The following APBA1 variants were observed in gnomAD, a reference collection of about 807,000 sequenced individuals.
APBA1 encodes amyloid-beta A4 precursor protein-binding family A member 1.
In APBA1, 55 loss-of-function variants were observed where a neutral mutation model predicts 86.6. The ratio of observed to expected loss-of-function variants is 0.64; its 90% CI spans 0.51 to 0.80. APBA1 has a LOEUF of 0.80. Ranked by LOEUF, APBA1 falls within the 30% of genes least tolerant of loss-of-function variation. The pLI, the probability that APBA1 is intolerant of heterozygous loss-of-function variation, is 0.00. For missense variants in APBA1, 1,090 were observed against 1,183.0 expected (o/e 0.92, Z 1.15); for synonymous variants, 511 against 493.9 (o/e 1.03, Z -0.46).
intron 1 of APBA1, among the ~76,000 whole-genome samples, chr9:69,568,157 C>A (rs1227314819): frequency 6.6e-6 from 1 of 152,132 alleles, no homozygotes; most frequent in African/African-American, 2.4e-5. Flanking sequence ...AGAAGAGCAA[C>A]AGAAAGCCAC....
intron 1 of APBA1, among the ~76,000 whole-genome samples, chr9:69,566,151 A>T (rs1228753165): frequency 6.6e-6 from 1 of 151,944 alleles, no homozygotes; most frequent in Non-Finnish European, 1.5e-5. Flanking sequence ...CCTTCCCTTG[A>T]CTCTCCCAAA....
At chr9:69,472,718 T>C (rs1176261569) in intron 3 of APBA1, 1 of 152,270 alleles carries the variant, frequency 6.6e-6, no homozygotes, top group African/African-American at 2.4e-5. Context: ...CTGACCTGCA[T>C]AGAGGGAAGA....
intron 1 of APBA1, among the ~76,000 whole-genome samples, chr9:69,531,145 C>A (rs568185951): frequency 6.6e-6 from 1 of 152,086 alleles, no homozygotes; most frequent in African/African-American, 2.4e-5. Context: ...GTGTATCTTA[C>A]ACTAGAGCAC....
chr9:69,642,799 G>A (rs1341770577), intron 1 of APBA1, among the ~76,000 whole-genome samples: 2 of 151,672 alleles, frequency 1.3e-5, no homozygotes, highest in East Asian at 2.0e-4. Context: ...AAGGCATTAC[G>A]AGAACAGACT....
At chr9:69,574,954 G>A (rs544198602) in intron 1 of APBA1, among the ~76,000 whole-genome samples, 56 of 152,152 alleles carry the variant, frequency 3.7e-4, no homozygotes, top group Non-Finnish European at 5.0e-4. Context: ...TCATTCTGTC[G>A]CCTAGGCTGG....
chr9:69,452,516 T>C (rs1401452412), intron 8 of APBA1, among the ~76,000 whole-genome samples: 1 of 152,212 alleles, frequency 6.6e-6, no homozygotes, highest in African/African-American at 2.4e-5. Flanking sequence ...ACAATGATCA[T>C]AAGGGAGCTA....
intron 1 of APBA1, among the ~76,000 whole-genome samples, chr9:69,559,118 C>T (rs1490197182): frequency 6.6e-6 from 1 of 152,162 alleles, no homozygotes; most frequent in Non-Finnish European, 1.5e-5. Flanking sequence ...AAACCCACTC[C>T]AATCCTCTGA....
chr9:69,667,973 C>A (rs1246723578), intron 1 of APBA1, among the ~76,000 whole-genome samples: 1 of 152,050 alleles, frequency 6.6e-6, no homozygotes, highest in Non-Finnish European at 1.5e-5. Flanking sequence ...CTCTCCTCAC[C>A]CCTTCCAGCT....
At chr9:69,536,040 TTTTTTG>T (rs938741001) in intron 1 of APBA1, among the ~76,000 whole-genome samples, 1 of 54,240 alleles carries the variant, frequency 1.8e-5, no homozygotes, top group African/African-American at 6.7e-5. Context: ...TGGCGTGCAG[TTTTTTG>T]TTTTTTTTTT....
chr9:69,501,388 G>T (rs1381975874), intron 2 of APBA1, among the ~76,000 whole-genome samples: 1 of 151,942 alleles, frequency 6.6e-6, no homozygotes, highest in Admixed American at 6.6e-5. Flanking sequence ...TAACTCCCAG[G>T]ACAACATGGG....
intron 1 of APBA1, among the ~76,000 whole-genome samples, chr9:69,617,052 A>G (rs1822715129): frequency 6.6e-6 from 1 of 152,128 alleles, no homozygotes; most frequent in Admixed American, 6.5e-5. Context: ...ATATACACAT[A>G]AAAAGACTTC....
chr9:69,449,904 T>A lies in APBA1; in HGVS notation c.1969-108A>T, dbSNP rs1834974287. 3 of 923,148 alleles carry A rather than the reference T, an allele frequency of 3.2e-6. No homozygotes were observed. In the Admixed American group the frequency reaches 8.1e-5, roughly 25 times the overall value. The allele number at this position is 923,148 out of a possible 1,614,324, so 57.2% of individuals were successfully genotyped here. The stretch of plus-strand genomic sequence containing the variant: ...TCTTGCCTAAAGAAAGACACTTCCC[T>A]GGGGACACCAACCCAGATGAGTTCC... On this transcript the variant is annotated intron_variant, in intron 9 of 12. Transcript: ENST00000265381.
chr9:69,469,994 G>A (rs1204010066), intron 4 of APBA1, among the ~76,000 whole-genome samples: 1 of 152,178 alleles, frequency 6.6e-6, no homozygotes, highest in East Asian at 1.9e-4. Flanking sequence ...GCTATTCACT[G>A]AGAAGGTCCC....
At chr9:69,661,760 C>T (rs1046190686) in intron 1 of APBA1, among the ~76,000 whole-genome samples, 1 of 152,088 alleles carries the variant, frequency 6.6e-6, no homozygotes, top group South Asian at 2.1e-4. Flanking sequence ...GTTTCCTAGA[C>T]AGTGGATTGT....
intron 1 of APBA1, among the ~76,000 whole-genome samples, chr9:69,658,484 C>T (rs886150611): frequency 6.6e-6 from 1 of 151,366 alleles, no homozygotes; most frequent in African/African-American, 2.4e-5. Context: ...CTCACTGCAA[C>T]CTCCACCTCC....
At chr9:69,434,634 G>GA (rs1406332858) in intron 11 of APBA1, among the ~76,000 whole-genome samples, 1 of 151,382 alleles carries the variant, frequency 6.6e-6, no homozygotes, top group Admixed American at 6.6e-5. Context: ...TTGAACCCAG[G>GA]AGGTGGAGGT....
chr9:69,529,313 C>T (rs1384415735), intron 1 of APBA1, among the ~76,000 whole-genome samples: 3 of 152,104 alleles, frequency 2.0e-5, no homozygotes, highest in Non-Finnish European at 4.4e-5. Flanking sequence ...ACAAAATCCA[C>T]TAAGCAACTA....
At chr9:69,560,880 C>G (rs1022415336) in intron 1 of APBA1, among the ~76,000 whole-genome samples, 15 of 152,172 alleles carry the variant, frequency 9.9e-5, no homozygotes, top group African/African-American at 3.6e-4. Context: ...AATGTTCAAC[C>G]TGTATTATTA....
intron 1 of APBA1, among the ~76,000 whole-genome samples, chr9:69,571,705 G>A (rs549023963): frequency 6.6e-6 from 1 of 152,114 alleles, no homozygotes; most frequent in African/African-American, 2.4e-5. Context: ...TTCTAGTGTT[G>A]ATAACTATTA....
Sources: allele counts gnomAD v4.1 joint callset (sites outside exome capture counted in the v4.1 genomes callset), GRCh38; gene constraint gnomAD v4.1.1; transcripts MANE v1.5; gene names NCBI Gene and HGNC (gene_info 2026-07-23, HGNC 2026-07-21).